Variants in MED13L observed in about 807,000 individuals in gnomAD.
The protein encoded by MED13L is mediator of RNA polymerase II transcription subunit 13-like.
A neutral mutation model predicts 220.9 loss-of-function variants in MED13L; 7 were observed. That is an observed-to-expected ratio of 0.03 (90% confidence interval 0.02 to 0.06). The LOEUF is 0.06. Ranked by LOEUF, MED13L falls within the 10% of genes least tolerant of loss-of-function variation. MED13L has a pLI of 1.00. For missense variants in MED13L, 1,965 were observed against 2,760.5 expected, an observed-to-expected ratio of 0.71 and a Z score of 6.46; for synonymous variants, 1,011 against 1,015.2, an observed-to-expected ratio of 1.00 and a Z score of 0.08.
At chr12:115,970,120 T>C (rs1565984605) in intron 27 of MED13L, among the ~76,000 whole-genome samples, 1 of 152,220 alleles carries the variant, frequency 6.6e-6, no homozygotes, top group Non-Finnish European at 1.5e-5. Flanking sequence ...TTTTATAGTT[T>C]ATAAATAATC....
chr12:116,166,786 C>T (rs766518269), intron 2 of MED13L, among the ~76,000 whole-genome samples: 13 of 152,144 alleles, frequency 8.5e-5, no homozygotes, highest in East Asian at 1.9e-4. Context: ...CTCCACAGTG[C>T]TTACTATAGT....
intron 2 of MED13L, among the ~76,000 whole-genome samples, chr12:116,137,757 C>T (rs2138032816): frequency 6.6e-6 from 1 of 151,770 alleles, no homozygotes; most frequent in Non-Finnish European, 1.5e-5. Context: ...ATACAGACAA[C>T]TTGTATAAAC....
chr12:116,195,850 A>G (rs558278608), intron 2 of MED13L, among the ~76,000 whole-genome samples: 1 of 152,354 alleles, frequency 6.6e-6, no homozygotes, highest in Admixed American at 6.5e-5. Context: ...TAAAAGCTAA[A>G]GAATGAATAT....
At chr12:116,003,821 A>C (rs547926582) in intron 13 of MED13L, among the ~76,000 whole-genome samples, 1 of 152,354 alleles carries the variant, frequency 6.6e-6, no homozygotes, top group African/African-American at 2.4e-5. Flanking sequence ...ATTCAAAGAC[A>C]CATGAGATGA....
chr12:116,239,524 CTT>C (rs1431553229), intron 1 of MED13L, among the ~76,000 whole-genome samples: 3 of 152,126 alleles, frequency 2.0e-5, no homozygotes, highest in African/African-American at 7.2e-5. Context: ...TCAAAATACA[CTT>C]TTAATCTTTG....
intron 2 of MED13L, among the ~76,000 whole-genome samples, chr12:116,207,220 C>G (rs1214980496): frequency 6.6e-6 from 1 of 151,602 alleles, no homozygotes; most frequent in Non-Finnish European, 1.5e-5. Flanking sequence ...AAACTGGTCT[C>G]AAACTCATGG....
intron 2 of MED13L, among the ~76,000 whole-genome samples, chr12:116,143,347 G>C (rs1455945180): frequency 6.7e-6 from 1 of 149,186 alleles, no homozygotes; most frequent in African/African-American, 2.5e-5. Flanking sequence ...AAAAAAAAAA[G>C]AGGGAAAGTG....
chr12:116,064,474 A>T (rs1020120964), intron 4 of MED13L, among the ~76,000 whole-genome samples: 1 of 152,182 alleles, frequency 6.6e-6, no homozygotes, highest in Admixed American at 6.5e-5. Flanking sequence ...TTATGAAAAG[A>T]GGTCAATTTG....
chr12:115,991,499 G>C lies in MED13L; in HGVS notation c.3455C>G (p.Ser1152Cys), dbSNP rs1878058191. ...GADVGLYIPD[S>C]SNEDQYRCTC... ...ACAGCGGTACTGGTCCTCATTGGAA[G>C]AATCGGGGATGTAAAGCCCGACATC... Residue 1152 changes from serine to cysteine, a missense_variant, in exon 17 of 31, where the codon TCT (serine) becomes TGT (cysteine). Around this residue, in one of 10 missense-constraint regions of MED13L, gnomAD observed 18 missense variants for 72.4 expected, o/e 0.25. Coordinates refer to ENST00000281928, the MANE Select transcript of MED13L (RefSeq NM_015335.5). This position sits in a 1 kb window ranked among gnomAD's most constrained non-coding sequence, Gnocchi z 7.7. The C allele has an allele frequency of 6.2e-6, 10 of 1,614,206 alleles. No individual in the cohort carries two copies. The highest frequency in any genetic ancestry group is 8.5e-6 in the Non-Finnish European group (10 of 1,180,026).
At chr12:116,005,545 G>A (rs1174613791) in intron 13 of MED13L, among the ~76,000 whole-genome samples, 1 of 152,130 alleles carries the variant, frequency 6.6e-6, no homozygotes, top group Non-Finnish European at 1.5e-5. Flanking sequence ...TAGTAGTCCT[G>A]TGATATTTAG....
At chr12:116,075,095 T>C (rs1870674610) in intron 4 of MED13L, among the ~76,000 whole-genome samples, 1 of 152,232 alleles carries the variant, frequency 6.6e-6, no homozygotes, top group Admixed American at 6.5e-5. Flanking sequence ...GACCACTGTT[T>C]TTTGTTTCTT....
chr12:116,276,215 C>A (rs1873804635), intron 1 of MED13L, among the ~76,000 whole-genome samples: 2 of 151,288 alleles, frequency 1.3e-5, no homozygotes. Context: ...GATTCAAATC[C>A]GAAGGAAAAG....
At chr12:116,057,496 T>G (rs760883755) in intron 4 of MED13L, among the ~76,000 whole-genome samples, 21 of 151,886 alleles carry the variant, frequency 1.4e-4, no homozygotes, top group Non-Finnish European at 2.9e-4. Context: ...GATGGCAGAA[T>G]ATTCTGTCAT....
chr12:116,161,658 G>A (rs1878864043), intron 2 of MED13L, among the ~76,000 whole-genome samples: 1 of 152,078 alleles, frequency 6.6e-6, no homozygotes, highest in South Asian at 2.1e-4. Flanking sequence ...AAGTTACTAT[G>A]GATTAAGCCA....
intron 4 of MED13L, among the ~76,000 whole-genome samples, chr12:116,068,959 G>A (rs534522256): frequency 1.3e-5 from 2 of 152,216 alleles, no homozygotes; most frequent in South Asian, 2.1e-4. Flanking sequence ...GTAGTCAAGA[G>A]AATGCAGCAC....
chr12:116,083,147 C>T (rs1871343027), intron 4 of MED13L, among the ~76,000 whole-genome samples: 1 of 152,148 alleles, frequency 6.6e-6, no homozygotes, highest in Non-Finnish European at 1.5e-5. Context: ...TGGCTCATAC[C>T]TGTAATCCCA....
chr12:116,000,317 C>T (rs1335049463), intron 14 of MED13L, among the ~76,000 whole-genome samples: 5 of 152,190 alleles, frequency 3.3e-5, no homozygotes, highest in African/African-American at 7.2e-5. Context: ...TCCCAGAAAA[C>T]GGCTAAAGCA....
At chr12:115,997,327 CTAAT>C (rs1878468476) in intron 14 of MED13L, 97 bp from the exon 15 acceptor site, 2 of 911,642 alleles carry the variant, frequency 2.2e-6, no homozygotes, top group African/African-American at 1.7e-5. Flanking sequence ...AAAAATAGTG[CTAAT>C]TAAATGATCA....
intron 2 of MED13L, among the ~76,000 whole-genome samples, chr12:116,136,748 A>G (rs1202632703): frequency 1.3e-5 from 2 of 152,250 alleles, no homozygotes; most frequent in African/African-American, 4.8e-5. Flanking sequence ...TTTAACCTAT[A>G]AAACCATTTC....
Sources: allele counts gnomAD v4.1 joint callset (sites outside exome capture counted in the v4.1 genomes callset), GRCh38; gene constraint gnomAD v4.1.1; regional missense constraint gnomAD v4.1.1; non-coding constraint Gnocchi (gnomAD v3.1); transcripts MANE v1.5; gene names NCBI Gene and HGNC (gene_info 2026-07-23, HGNC 2026-07-21).